Variants in SPNS3 observed in about 807,000 individuals in gnomAD.
SPNS3 encodes SPNS lysolipid transporter 3, sphingosine-1-phosphate (putative).
A neutral mutation model predicts 54.4 loss-of-function variants in SPNS3; 51 were observed. The observed-to-expected ratio is 0.94, with a 90% CI of 0.75 to 1.18. The LOEUF (loss-of-function observed/expected upper bound fraction) is 1.18, where lower values mean the gene tolerates loss of function less well. Ranked by LOEUF, SPNS3 falls within the 50% of genes most tolerant of loss-of-function variation. SPNS3 has a pLI of 0.00. For missense variants in SPNS3, 669 were observed against 677.4 expected (o/e 0.99, Z 0.14); for synonymous variants, 309 against 294.7 (o/e 1.05, Z -0.50).
At chr17:4,462,826 CAT>C (rs1971569803) in intron 8 of SPNS3, among the ~76,000 whole-genome samples, 1 of 147,078 alleles carries the variant, frequency 6.8e-6, no homozygotes, top group Non-Finnish European at 1.5e-5. Flanking sequence ...TCCATCCATC[CAT>C]CCATCCATTC....
rs1183627833 is a variant in SPNS3 at position 4,446,113 on chromosome 17, C to A, written c.468C>A (p.Ile156=). 6.2e-7 allele frequency: 1 copy of A among 1,613,264 alleles called. No individual in the cohort carries two copies. ...CTGGCTCGGCCAGCTACTCCACCAT[C>A]GCGCCCACCGTCCTGGGCGACCTCT... ...VGTGSASYST[I]APTVLGDLFV... is the part of the protein sequence containing the mutation. The change falls in exon 4 of 12, where the codon ATC becomes ATA. Residue 156 remains isoleucine (I), a synonymous_variant. Transcript: ENST00000355530.
At chr17:4,466,966 T>C (rs541171371) in intron 8 of SPNS3, among the ~76,000 whole-genome samples, 6 of 151,680 alleles carry the variant, frequency 4.0e-5, no homozygotes, top group Non-Finnish European at 8.8e-5. Flanking sequence ...GAGGCCTTGT[T>C]GAGACGGAGA....
chr17:4,468,581 C>T (rs1257100957), intron 8 of SPNS3, among the ~76,000 whole-genome samples: 8 of 128,772 alleles, frequency 6.2e-5, no homozygotes, highest in African/African-American at 1.8e-4. Context: ...GGGGCGGTGG[C>T]GGCGGGGGAA....
chr17:4,463,637 G>A (rs1326974481), intron 8 of SPNS3, among the ~76,000 whole-genome samples: 2 of 151,294 alleles, frequency 1.3e-5, no homozygotes, highest in African/African-American at 4.9e-5. Flanking sequence ...TACTTTGGAG[G>A]CTGAGGTAGG....
intron 8 of SPNS3, among the ~76,000 whole-genome samples, chr17:4,463,120 C>T (rs556528289): frequency 3.3e-4 from 50 of 151,992 alleles, no homozygotes; most frequent in African/African-American, 1.1e-3. Flanking sequence ...ATATACTGGC[C>T]GGGTGCAGTG....
intron 7 of SPNS3, among the ~76,000 whole-genome samples, chr17:4,450,962 G>A (rs6502787): frequency 0.55 from 83,405 of 151,690 alleles, 23,726 homozygotes; most frequent in Admixed American, 0.63. Context: ...GATGCTGGGA[G>A]GGCCCTGTGT....
chr17:4,467,588 A>G (rs975188006), intron 8 of SPNS3, among the ~76,000 whole-genome samples: 4 of 152,174 alleles, frequency 2.6e-5, no homozygotes, highest in African/African-American at 7.2e-5. Flanking sequence ...AAGATAGCAA[A>G]AGTGGAAGTT....
At chr17:4,477,050 G>A (rs1361662126) in intron 8 of SPNS3, among the ~76,000 whole-genome samples, 2 of 152,190 alleles carry the variant, frequency 1.3e-5, no homozygotes, top group African/African-American at 4.8e-5. Flanking sequence ...CCATCTCGGG[G>A]TGTCCTCTGA....
At chr17:4,455,229 A>C (rs968744111) in intron 8 of SPNS3, among the ~76,000 whole-genome samples, 8 of 152,128 alleles carry the variant, frequency 5.3e-5, no homozygotes, top group African/African-American at 1.7e-4. Flanking sequence ...CAAAGCTTCT[A>C]TCCGGACCAG....
In SPNS3 at chr17:4,454,982, C is replaced by T. The variant is rs566444819; in HGVS notation, c.1113+1777C>T. Among the ~76,000 whole-genome samples the T allele has an allele frequency of 4.9e-3, 737 of 151,322 alleles. 2 individuals carry two copies. The highest frequency in any genetic ancestry group is 0.017 in the African/African-American group (696 of 41,156). ...AGGCTGGAGTGCGGTGGCGCGATCT[C>T]AGCTCACGGTAACCTCCGCCTCCTG... On this transcript the variant is annotated intron_variant, in intron 8 of 11. Coordinates refer to ENST00000355530, the MANE Select transcript of SPNS3 (RefSeq NM_182538.5).
At chr17:4,484,674 G>A (rs1031999517) in intron 9 of SPNS3, among the ~76,000 whole-genome samples, 4 of 152,042 alleles carry the variant, frequency 2.6e-5, no homozygotes, top group Admixed American at 6.6e-5. Flanking sequence ...TTGGGGATAC[G>A]GCTCCAGGGT....
chr17:4,450,408 A>C, intron 7 of SPNS3, among the ~76,000 whole-genome samples: 5 of 99,738 alleles, frequency 5.0e-5, no homozygotes, highest in East Asian at 2.7e-4. Context: ...TCCCTTCCTT[A>C]CTTCTCTTCT....
At chr17:4,456,722 G>T (rs11867861) in intron 8 of SPNS3, among the ~76,000 whole-genome samples, 3,789 of 143,332 alleles carry the variant, frequency 0.026, 155 homozygotes, top group African/African-American at 0.088. Flanking sequence ...GTTTTTTTTG[G>T]TTTTTTTTTT....
chr17:4,440,953 AAATG>A (rs1245791331), intron 2 of SPNS3, among the ~76,000 whole-genome samples: 1 of 152,218 alleles, frequency 6.6e-6, no homozygotes, highest in Non-Finnish European at 1.5e-5. Flanking sequence ...CAATGAAAGA[AAATG>A]AAGCCAACAT....
At position 4,487,876 on chromosome 17, in the gene SPNS3, C is replaced by T. The variant is rs772778978; in HGVS notation, c.1521C>T (p.Ala507=). 3.1e-6 allele frequency: 5 copies of T among 1,614,066 alleles called. No individual in the cohort carries two copies. The highest frequency in any genetic ancestry group is 1.6e-4 in the Middle Eastern group (1 of 6,062). ...AAGGCCTACTTTCGGGCGCTGGCGC[C>T]TCTACAGAGGAGCCCTGAGGTCCCT... is the stretch of plus-strand genomic sequence containing the variant. ...ERQGLLSGAG[A]STEEP The change falls in exon 12 of 12, where the codon GCC becomes GCT. Residue 507 remains alanine (A), a synonymous_variant. Transcript: ENST00000355530.
chr17:4,448,441 C>T (rs1971062845), intron 6 of SPNS3, 138 bp downstream of exon 6: 2 of 828,316 alleles, frequency 2.4e-6, no homozygotes, highest in African/African-American at 1.8e-5. Context: ...CCTCTGAGAT[C>T]GCACTTACCA....
At chr17:4,466,535 G>T in intron 8 of SPNS3, among the ~76,000 whole-genome samples, 1 of 66,598 alleles carries the variant, frequency 1.5e-5, no homozygotes, top group Non-Finnish European at 2.8e-5. Context: ...ACGAGACTCT[G>T]TCTCAAAAAA....
rs377646502 is a variant in SPNS3 at position 4,434,032 on chromosome 17, C to T, written c.65C>T (p.Pro22Leu). ...PGPGGLQGQSPGPGRQCPPPI... is the reference protein window; with the variant it reads ...PGPGGLQGQSLGPGRQCPPPI... ...CCAGGAGGTCTGCAGGGCCAGTCCC[C>T]AGGGCCAGGCAGGCAGTGTCCCCCT... The change falls in exon 1 of 12, where the codon CCA becomes CTA. Residue 22 changes from proline to leucine, a missense_variant. Coordinates refer to ENST00000355530, the MANE Select transcript of SPNS3 (RefSeq NM_182538.5). 6.2e-7 allele frequency: 1 copy of T among 1,606,908 alleles called. No individual in the cohort carries two copies. The highest frequency in any genetic ancestry group is 1.3e-5 in the African/African-American group (1 of 74,700).
intron 9 of SPNS3, among the ~76,000 whole-genome samples, chr17:4,485,484 G>A (rs912940347): frequency 4.0e-5 from 6 of 150,994 alleles, no homozygotes; most frequent in African/African-American, 1.2e-4. Flanking sequence ...TGCAACCTCC[G>A]CCTCCCGTGT....
Sources: allele counts gnomAD v4.1 joint callset (sites outside exome capture counted in the v4.1 genomes callset), GRCh38; gene constraint gnomAD v4.1.1; transcripts MANE v1.5; gene names NCBI Gene and HGNC (gene_info 2026-07-23, HGNC 2026-07-21).